Variants in SLC22A23 observed in about 807,000 individuals in gnomAD.
The protein encoded by SLC22A23 is solute carrier family 22 member 23.
SLC22A23 carries 26 observed loss-of-function variants against 61.0 expected under a neutral mutation model. That is an observed-to-expected ratio of 0.43 (90% CI 0.31 to 0.59). SLC22A23 has a LOEUF of 0.59. Ranked by LOEUF, SLC22A23 falls within the 20% of genes least tolerant of loss-of-function variation. The pLI, the probability that SLC22A23 is intolerant of heterozygous loss-of-function variation, is 0.11. For synonymous variants in SLC22A23, 430 were observed against 413.9 expected, an observed-to-expected ratio of 1.04 and a Z score of -0.47; for missense variants, 796 against 934.7, an observed-to-expected ratio of 0.85 and a Z score of 1.94.
chr6:3,392,496 A>G (rs951524316), intron 3 of SLC22A23, among the ~76,000 whole-genome samples: 7 of 152,258 alleles, frequency 4.6e-5, no homozygotes, highest in Non-Finnish European at 1.0e-4. Flanking sequence ...TTGTAAGTGA[A>G]GAATGAGCTG....
rs563765552 is a variant in SLC22A23 at position 3,361,901 on chromosome 6, C to T, written c.914-37899G>A. On this transcript the variant is annotated intron_variant, in intron 3 of 9. Coordinates refer to ENST00000406686, the MANE Select transcript of SLC22A23 (RefSeq NM_015482.2). ...CATGGTCCCTACCCCGAGGGATTTA[C>T]AATCAGGCATGGAAAATACTCCAAA... Among the ~76,000 whole-genome samples the T allele has an allele frequency of 2.0e-5, 3 of 152,276 alleles. No homozygotes were observed. In the East Asian group the frequency reaches 5.8e-4, roughly 29 times the overall value.
chr6:3,448,832 T>A (rs1341051689), intron 1 of SLC22A23, among the ~76,000 whole-genome samples: 1 of 152,108 alleles, frequency 6.6e-6, no homozygotes, highest in Non-Finnish European at 1.5e-5. Flanking sequence ...TTCGACTCAA[T>A]CCTATCTTGG....
In SLC22A23 at chr6:3,381,217, C is replaced by T. The variant is rs570931196; in HGVS notation, c.913+28971G>A. On this transcript the variant is annotated intron_variant, in intron 3 of 9. Transcript: ENST00000406686. Reference sequence around the variant, plus strand: ...GCTATCTCTCTGCCAGGCATGGGGACACCACATCTCCCCAGCCTGCTGGGG... The same window carrying T: ...GCTATCTCTCTGCCAGGCATGGGGATACCACATCTCCCCAGCCTGCTGGGG... Among the ~76,000 whole-genome samples the T allele has an allele frequency of 2.6e-5, 4 of 152,204 alleles. No individual in the cohort carries two copies. In the South Asian group the frequency reaches 6.2e-4, roughly 24 times the overall value.
rs1473824266 is a variant in SLC22A23, at chr6:3,330,056, G to A, written c.914-6054C>T. Among the ~76,000 whole-genome samples the A allele has an allele frequency of 6.6e-6, 1 of 152,148 alleles. No homozygotes were observed. On this transcript the variant is annotated intron_variant, in intron 3 of 9. Coordinates refer to ENST00000406686, the MANE Select transcript of SLC22A23 (RefSeq NM_015482.2). The surrounding 1 kb of genome is among the most constrained non-coding windows in gnomAD (Gnocchi z 4.7). ...AGGCCGACTGGGCCACTAGGACACC[G>A]GGGCTTGGGGATCCCACCGCCCTGC...
At chr6:3,366,734 C>A (rs1417823528) in intron 3 of SLC22A23, among the ~76,000 whole-genome samples, 2 of 152,156 alleles carry the variant, frequency 1.3e-5, no homozygotes, top group Non-Finnish European at 2.9e-5. Context: ...CCTCAGAGAG[C>A]GACTTAAAGC....
intron 6 of SLC22A23, 40 bp downstream of exon 6, chr6:3,289,723 GC>G: frequency 4.5e-6 from 7 of 1,555,420 alleles, no homozygotes; most frequent in Non-Finnish European, 6.2e-6. Context: ...TTCTTCCCTG[GC>G]CCCCTCCCAC....
intron 1 of SLC22A23, among the ~76,000 whole-genome samples, chr6:3,416,235 G>C (rs573184879): frequency 9.8e-5 from 15 of 152,354 alleles, no homozygotes; most frequent in African/African-American, 3.6e-4. Flanking sequence ...TGAGTGCCCA[G>C]GGGCTGGGAG....
chr6:3,273,446 G>A (rs200072494), intron 9 of SLC22A23, 34 bp from the exon 10 acceptor site: 6 of 1,604,940 alleles, frequency 3.7e-6, no homozygotes, highest in Admixed American at 3.3e-5. Flanking sequence ...GATTGCTGCT[G>A]TGGGCTAGCG....
intron 4 of SLC22A23, among the ~76,000 whole-genome samples, chr6:3,310,320 G>GT: frequency 7.4e-6 from 1 of 135,490 alleles, no homozygotes; most frequent in African/African-American, 2.9e-5. Flanking sequence ...CAAGCACCCT[G>GT]CCTCCCACTC....
At chr6:3,278,813 G>T (rs771926438) in intron 9 of SLC22A23, among the ~76,000 whole-genome samples, 1 of 152,204 alleles carries the variant, frequency 6.6e-6, no homozygotes, top group Non-Finnish European at 1.5e-5. Flanking sequence ...TGATTTTAAT[G>T]GGGACAGCAT....
rs906934669 is a variant in SLC22A23 at position 3,308,188 on chromosome 6, C to T, written c.1083-9970G>A. 1.3e-5 allele frequency among the ~76,000 whole-genome samples: 2 copies of T among 152,154 alleles called. No homozygotes were observed. Among genetic ancestry groups the T allele is most frequent in the African/African-American group, 4.8e-5 (2 of 41,414 alleles). ...GGTTACAGTGGAAAATTTTATGTTA[C>T]GTGTATTTTACCACAATTAAAAGAA... On this transcript the variant is annotated intron_variant, in intron 4 of 9. Coordinates refer to ENST00000406686, the MANE Select transcript of SLC22A23 (RefSeq NM_015482.2). The surrounding 1 kb of genome is among the most constrained non-coding windows in gnomAD (Gnocchi z 5.1).
At chr6:3,438,992 G>C (rs1771405417) in intron 1 of SLC22A23, among the ~76,000 whole-genome samples, 1 of 152,226 alleles carries the variant, frequency 6.6e-6, no homozygotes, top group South Asian at 2.1e-4. Flanking sequence ...TTGGCCATCT[G>C]TTGGGTGTGG....
chr6:3,296,084 GC>G (rs11331208), intron 5 of SLC22A23, among the ~76,000 whole-genome samples: 19,039 of 152,240 alleles, frequency 0.13, 1,823 homozygotes, highest in African/African-American at 0.26. Flanking sequence ...CGTGAAAGAA[GC>G]AGAGTGTGAT....
At chr6:3,430,274 T>A (rs1183097895) in intron 1 of SLC22A23, among the ~76,000 whole-genome samples, 1 of 152,086 alleles carries the variant, frequency 6.6e-6, no homozygotes, top group Non-Finnish European at 1.5e-5. Flanking sequence ...CAGTGAGACG[T>A]CCTTTCTCCC....
At chr6:3,446,875 G>A (rs1771921190) in intron 1 of SLC22A23, among the ~76,000 whole-genome samples, 4 of 152,070 alleles carry the variant, frequency 2.6e-5, no homozygotes. Context: ...ACCTCAGCTG[G>A]CTAAGGGCAT....
chr6:3,273,273 T>G lies in SLC22A23; in HGVS notation c.1843A>C (p.Ile615Leu), dbSNP rs1237083589. Residue 615 changes from isoleucine to leucine, a missense_variant, in exon 10 of 10, where the codon ATC (isoleucine) becomes CTC (leucine). Transcript: ENST00000406686. ...ACCTLICIIC[I>L]LLLPESRDQN... ...TCCCTGCTCTCGGGCAGCAGGAGGATGCAGATGATGCAGATGAGCGTGCAG... is the reference window on the plus strand; with the variant it reads ...TCCCTGCTCTCGGGCAGCAGGAGGAGGCAGATGATGCAGATGAGCGTGCAG... The G allele has an allele frequency of 8.7e-6, 14 of 1,613,596 alleles. No homozygotes were observed. The highest frequency in any genetic ancestry group is 1.2e-5 in the Non-Finnish European group (14 of 1,179,688).
chr6:3,447,541 G>A (rs991633324), intron 1 of SLC22A23, among the ~76,000 whole-genome samples: 7 of 151,462 alleles, frequency 4.6e-5, no homozygotes, highest in African/African-American at 1.7e-4. Flanking sequence ...CTCAGAACAG[G>A]CACTCAAATC....
intron 1 of SLC22A23, chr6:3,432,141 G>A: frequency 1.1e-6 from 1 of 921,860 alleles, no homozygotes; most frequent in Non-Finnish European, 1.3e-6. Flanking sequence ...AGGTTCCTCA[G>A]TGTAGAGGCG....
At chr6:3,366,068 C>T (rs935648503) in intron 3 of SLC22A23, among the ~76,000 whole-genome samples, 16 of 152,034 alleles carry the variant, frequency 1.1e-4, no homozygotes, top group Admixed American at 3.9e-4. Context: ...CGGTGGCTCA[C>T]GCCTGTAATC....
Sources: gnomAD v4.1 joint callset for allele counts (sites outside exome capture counted in the v4.1 genomes callset) on GRCh38, gnomAD v4.1.1 for gene constraint, Gnocchi (gnomAD v3.1) non-coding constraint, MANE v1.5 for transcripts, NCBI Gene and HGNC (gene_info 2026-07-23, HGNC 2026-07-21) for gene names.